The following ERBB4 variants were observed in gnomAD, a reference collection of about 807,000 sequenced individuals.
The protein encoded by ERBB4 is erb-b2 receptor tyrosine kinase 4.
ERBB4 carries 42 observed loss-of-function variants against 158.0 expected under a neutral mutation model. The observed-to-expected ratio is 0.27, with a 90% confidence interval of 0.21 to 0.34. The LOEUF (loss-of-function observed/expected upper bound fraction) is 0.34. ERBB4 is among the 10% of genes least tolerant of loss of function. The pLI is 1.00. For missense variants in ERBB4, 1,333 were observed against 1,624.1 expected (o/e 0.82, Z 3.08); for synonymous variants, 583 against 558.7 (o/e 1.04, Z -0.61).
chr2:211,639,484 G>C (rs951097064), intron 16 of ERBB4, among the ~76,000 whole-genome samples: 1 of 152,132 alleles, frequency 6.6e-6, no homozygotes, highest in Non-Finnish European at 1.5e-5. Context: ...AAGTGGGAGA[G>C]GGATAAATCA....
chr2:211,740,264 A>C (rs1009446878), intron 5 of ERBB4, among the ~76,000 whole-genome samples: 5 of 152,162 alleles, frequency 3.3e-5, no homozygotes, highest in Non-Finnish European at 7.3e-5. Context: ...GTGAGATAGT[A>C]ATATATACAA....
intron 20 of ERBB4, 183 bp downstream of exon 20, chr2:211,561,720 T>C: frequency 1.6e-6 from 1 of 620,484 alleles, no homozygotes; most frequent in Non-Finnish European, 2.9e-6. Flanking sequence ...TCTAAAAATA[T>C]ATATCACGCA....
At chr2:211,832,514 CCTT>C (rs1382265975) in intron 3 of ERBB4, among the ~76,000 whole-genome samples, 1 of 151,636 alleles carries the variant, frequency 6.6e-6, no homozygotes, top group African/African-American at 2.4e-5. Context: ...TAAAAACTCT[CCTT>C]ATCAAATACT....
At chr2:211,935,916 C>A (rs895066813) in intron 3 of ERBB4, among the ~76,000 whole-genome samples, 1 of 152,062 alleles carries the variant, frequency 6.6e-6, no homozygotes, top group African/African-American at 2.4e-5. Flanking sequence ...TTATTATTAA[C>A]AATAGTATCT....
At chr2:211,450,143 C>G (rs991197810) in intron 20 of ERBB4, among the ~76,000 whole-genome samples, 3 of 152,090 alleles carry the variant, frequency 2.0e-5, no homozygotes, top group Non-Finnish European at 4.4e-5. Flanking sequence ...AATACATGTG[C>G]AGAACTGGGA....
chr2:212,100,989 A>T (rs1006929488), intron 2 of ERBB4, among the ~76,000 whole-genome samples: 3 of 152,070 alleles, frequency 2.0e-5, no homozygotes, highest in African/African-American at 7.2e-5. Context: ...CTGACATTTT[A>T]GTGTTGTTGA....
At chr2:211,698,061 A>G (rs1206362855) in intron 12 of ERBB4, among the ~76,000 whole-genome samples, 1 of 152,208 alleles carries the variant, frequency 6.6e-6, no homozygotes, top group Non-Finnish European at 1.5e-5. Flanking sequence ...TCACACCTGT[A>G]ATCTCAGCAC....
intron 13 of ERBB4, among the ~76,000 whole-genome samples, chr2:211,675,843 A>G (rs1196909642): frequency 2.1e-5 from 3 of 143,226 alleles, no homozygotes; most frequent in Admixed American, 7.0e-5. Context: ...GGTAAATGTC[A>G]TATTTATATT....
intron 1 of ERBB4, among the ~76,000 whole-genome samples, chr2:212,200,344 T>G (rs1489840791): frequency 2.0e-5 from 3 of 152,190 alleles, no homozygotes; most frequent in Non-Finnish European, 4.4e-5. Flanking sequence ...TAATAGTTTT[T>G]CCTAACAGTT....
intron 2 of ERBB4, among the ~76,000 whole-genome samples, chr2:212,017,926 G>A (rs1318766807): frequency 6.6e-6 from 1 of 152,096 alleles, no homozygotes; most frequent in Non-Finnish European, 1.5e-5. Flanking sequence ...CAAAGATAAT[G>A]TTTTAATGTA....
chr2:211,469,332 T>C (rs951032477), intron 20 of ERBB4, among the ~76,000 whole-genome samples: 6 of 152,172 alleles, frequency 3.9e-5, no homozygotes, highest in Non-Finnish European at 8.8e-5. Flanking sequence ...CTTTGTGCTG[T>C]GCAAAGTATT....
chr2:212,367,738 A>T (rs1246765268), intron 1 of ERBB4, among the ~76,000 whole-genome samples: 1 of 151,296 alleles, frequency 6.6e-6, no homozygotes, highest in Non-Finnish European at 1.5e-5. Context: ...AATCAGTAAG[A>T]AAAAAGTAAA....
chr2:212,266,353 A>G (rs2085135987), intron 1 of ERBB4, among the ~76,000 whole-genome samples: 1 of 152,144 alleles, frequency 6.6e-6, no homozygotes, highest in East Asian at 1.9e-4. Context: ...TTTGAATGGA[A>G]AATCATTCTA....
Position 212,016,887 on chromosome 2 carries a change from A to G in ERBB4, c.235-69271T>C, listed in dbSNP as rs868188398. On this transcript the variant is annotated intron_variant, in intron 2 of 27. Coordinates refer to ENST00000342788, the MANE Select transcript of ERBB4 (RefSeq NM_005235.3). Reference sequence around the variant, plus strand: ...TATTTGGGGACTTATAAAAAGAAAGATATGAAACACTGCCTCATAGTTGTC... The same window carrying G: ...TATTTGGGGACTTATAAAAAGAAAGGTATGAAACACTGCCTCATAGTTGTC... Among the ~76,000 whole-genome samples, 3 of 152,144 alleles carry G rather than the reference A, an allele frequency of 2.0e-5. No homozygotes were observed. The South Asian group carries it at 6.2e-4, about 31-fold the overall frequency.
intron 1 of ERBB4, among the ~76,000 whole-genome samples, chr2:212,341,433 T>C (rs1382592870): frequency 1.3e-5 from 2 of 152,178 alleles, no homozygotes; most frequent in East Asian, 3.9e-4. Context: ...CTGAACTTTT[T>C]AGCTTCCTTT....
chr2:212,161,425 C>T (rs1254971988), intron 1 of ERBB4, among the ~76,000 whole-genome samples: 1 of 151,808 alleles, frequency 6.6e-6, no homozygotes, highest in African/African-American at 2.4e-5. Context: ...CAGGATAATT[C>T]CTTCATATTC....
intron 2 of ERBB4, among the ~76,000 whole-genome samples, chr2:212,017,643 T>C (rs1460059908): frequency 6.6e-6 from 1 of 152,114 alleles, no homozygotes. Context: ...AGGAAGACAT[T>C]CATGAAGTTT....
chr2:212,112,275 A>G (rs1312421869), intron 2 of ERBB4, among the ~76,000 whole-genome samples: 1 of 151,962 alleles, frequency 6.6e-6, no homozygotes, highest in African/African-American at 2.4e-5. Flanking sequence ...TTTTGACTAT[A>G]AAACCTGAAT....
intron 19 of ERBB4, among the ~76,000 whole-genome samples, chr2:211,617,277 T>A (rs1638287890): frequency 6.6e-6 from 1 of 152,150 alleles, no homozygotes; most frequent in Admixed American, 6.6e-5. Context: ...CTACCAGTTT[T>A]ATAAATTAAC....
Sources: gnomAD v4.1 joint callset for allele counts (sites outside exome capture counted in the v4.1 genomes callset) on GRCh38, gnomAD v4.1.1 for gene constraint, MANE v1.5 for transcripts, NCBI Gene and HGNC (gene_info 2026-07-23, HGNC 2026-07-21) for gene names.